Variants in SLC6A4 observed in about 807,000 individuals in gnomAD.
SLC6A4 encodes solute carrier family 6 member 4.
A neutral mutation model predicts 73.4 loss-of-function variants in SLC6A4; 22 were observed. The observed-to-expected ratio is 0.30, with a 90% confidence interval of 0.21 to 0.43. The LOEUF (loss-of-function observed/expected upper bound fraction) is 0.43. SLC6A4 is among the 20% of genes least tolerant of loss of function. SLC6A4 has a pLI of 1.00. For missense variants in SLC6A4, 593 were observed against 808.5 expected (o/e 0.73, Z 3.23); for synonymous variants, 270 against 315.5 (o/e 0.86, Z 1.53).
At chr17:30,201,303 A>G (rs952772374) in intron 14 of SLC6A4, among the ~76,000 whole-genome samples, 1 of 152,192 alleles carries the variant, frequency 6.6e-6, no homozygotes, top group Non-Finnish European at 1.5e-5. Flanking sequence ...CCTCACCGAC[A>G]GGGGTGTATC....
At chr17:30,207,174 G>A (rs1302026840) in intron 13 of SLC6A4, among the ~76,000 whole-genome samples, 1 of 152,142 alleles carries the variant, frequency 6.6e-6, no homozygotes, top group African/African-American at 2.4e-5. Flanking sequence ...CTGAAGCCCA[G>A]ACTACTCCAT....
At chr17:30,206,382 A>G (rs1358575206) in intron 13 of SLC6A4, 1 of 152,208 alleles carries the variant, frequency 6.6e-6, no homozygotes, top group African/African-American at 2.4e-5. Flanking sequence ...GCTGTTATCC[A>G]TCTTGGACAG....
At chr17:30,205,193 T>A (rs541545421) in intron 13 of SLC6A4, among the ~76,000 whole-genome samples, 3 of 152,296 alleles carry the variant, frequency 2.0e-5, no homozygotes, top group South Asian at 2.1e-4. Flanking sequence ...TTTTAAAAAA[T>A]ATTGTGTGAA....
chr17:30,207,418 C>T (rs1477895298), intron 13 of SLC6A4, among the ~76,000 whole-genome samples: 1 of 151,978 alleles, frequency 6.6e-6, no homozygotes, highest in Admixed American at 6.6e-5. Context: ...AATAGAGTCT[C>T]ACTTTGTCAC....
intron 1 of SLC6A4, among the ~76,000 whole-genome samples, chr17:30,231,233 G>A (rs946524855): frequency 4.0e-5 from 6 of 151,862 alleles, no homozygotes; most frequent in African/African-American, 1.5e-4. Context: ...GTATCTGGAA[G>A]TCTGCAAACT....
At chr17:30,234,354 GA>G (rs1410053599) in intron 1 of SLC6A4, among the ~76,000 whole-genome samples, 6 of 152,102 alleles carry the variant, frequency 3.9e-5, no homozygotes, top group African/African-American at 9.7e-5. Flanking sequence ...GAAAAAGAAA[GA>G]AAGAAAGAAA....
chr17:30,204,071 C>G (rs576593800), intron 13 of SLC6A4, among the ~76,000 whole-genome samples: 1 of 152,366 alleles, frequency 6.6e-6, no homozygotes, highest in African/African-American at 2.4e-5. Flanking sequence ...GCTTAATACA[C>G]CTTTCACTTG....
intron 5 of SLC6A4, 50 bp from the exon 6 acceptor site, chr17:30,217,354 T>G: frequency 1.3e-6 from 2 of 1,580,292 alleles, no homozygotes; most frequent in Non-Finnish European, 1.7e-6. Flanking sequence ...TAGAGTGACC[T>G]GGGCACACAT....
chr17:30,230,700 C>T (rs911849863), intron 1 of SLC6A4, among the ~76,000 whole-genome samples: 1 of 151,704 alleles, frequency 6.6e-6, no homozygotes, highest in Non-Finnish European at 1.5e-5. Flanking sequence ...GGAAACTGGC[C>T]CATTTCTCTG....
At chr17:30,214,930 G>A (rs1487196384) in intron 8 of SLC6A4, among the ~76,000 whole-genome samples, 10 of 151,146 alleles carry the variant, frequency 6.6e-5, no homozygotes, top group Non-Finnish European at 1.5e-4. Flanking sequence ...ACCGCACCCC[G>A]TCTCTCTCTT....
At chr17:30,215,043 C>A (rs953805141) in intron 8 of SLC6A4, among the ~76,000 whole-genome samples, 6 of 122,464 alleles carry the variant, frequency 4.9e-5, no homozygotes, top group Non-Finnish European at 8.8e-5. Flanking sequence ...TTCTTTCTTT[C>A]TTTATTTCTC....
chr17:30,216,674 T>A (rs532891900), intron 6 of SLC6A4, among the ~76,000 whole-genome samples: 8 of 151,910 alleles, frequency 5.3e-5, no homozygotes, highest in Non-Finnish European at 1.0e-4. Flanking sequence ...TTTTTTCTTT[T>A]CCTTTTTTTT....
chr17:30,225,968 A>G (rs16965623), intron 1 of SLC6A4, among the ~76,000 whole-genome samples: 3,494 of 152,308 alleles, frequency 0.023, 107 homozygotes, highest in African/African-American at 0.076. Context: ...CCGTACCTGA[A>G]CAAGCATGTA....
Position 30,210,557 on chromosome 17 carries a change from C to A in SLC6A4, c.1407G>T (p.Val469=). The change falls in exon 11 of 15, where the codon GTG becomes GTT. Residue 469 remains valine (V), a synonymous_variant. Coordinates refer to ENST00000650711, the MANE Select transcript of SLC6A4 (RefSeq NM_001045.6). ...AKRRERFVLA[V]VITCFFGSLV... ...GGGATCCAAAGAAGCAGGTGATGAC[C>A]ACGGCGAGCACGAACCGCTCCCGGC... 6.2e-7 allele frequency: 1 copy of A among 1,613,716 alleles called. No homozygotes were observed. Among genetic ancestry groups the A allele is most frequent in the Non-Finnish European group, 8.5e-7 (1 of 1,179,848 alleles).
chr17:30,210,720 G>A (rs1002935559), intron 10 of SLC6A4, 74 bp from the exon 11 acceptor site: 3 of 1,509,566 alleles, frequency 2.0e-6, no homozygotes, highest in Non-Finnish European at 2.7e-6. Context: ...GTGAACAGGA[G>A]GGAGGGGTAA....
chr17:30,200,869 C>T (rs1906009858), intron 14 of SLC6A4, among the ~76,000 whole-genome samples: 1 of 152,100 alleles, frequency 6.6e-6, no homozygotes, highest in Non-Finnish European at 1.5e-5. Context: ...GCAATCTCTG[C>T]CTCCCAGGCT....
intron 1 of SLC6A4, among the ~76,000 whole-genome samples, chr17:30,227,282 C>T (rs889569263): frequency 6.6e-6 from 1 of 152,072 alleles, no homozygotes; most frequent in African/African-American, 2.4e-5. Context: ...GCCATAGGGA[C>T]TCCTGCCTTG....
At chr17:30,234,121 C>T (rs1327900902) in intron 1 of SLC6A4, among the ~76,000 whole-genome samples, 4 of 151,944 alleles carry the variant, frequency 2.6e-5, no homozygotes, top group African/African-American at 9.7e-5. Flanking sequence ...CTAAACATCC[C>T]CCGAGAGGAA....
intron 5 of SLC6A4, 61 bp from the exon 6 acceptor site, chr17:30,217,365 C>G: frequency 6.6e-7 from 1 of 1,520,908 alleles, no homozygotes; most frequent in Non-Finnish European, 8.9e-7. Flanking sequence ...GGGCACACAT[C>G]TGTGCTGCTC....
Sources: gnomAD v4.1 joint callset for allele counts (sites outside exome capture counted in the v4.1 genomes callset) on GRCh38, gnomAD v4.1.1 for gene constraint, MANE v1.5 for transcripts, NCBI Gene and HGNC (gene_info 2026-07-23, HGNC 2026-07-21) for gene names.